The following PCDHA1 variants were observed in gnomAD, a reference collection of about 807,000 sequenced individuals.
PCDHA1 encodes protocadherin alpha-1.
A neutral mutation model predicts 61.3 loss-of-function variants in PCDHA1; 42 were observed. The ratio of observed to expected loss-of-function variants is 0.69; its 90% CI spans 0.54 to 0.89. PCDHA1 has a LOEUF of 0.89. Ranked by LOEUF, PCDHA1 falls within the 40% of genes least tolerant of loss-of-function variation. PCDHA1 has a pLI of 0.00. For missense variants in PCDHA1, 1,256 were observed against 1,235.3 expected, an observed-to-expected ratio of 1.02 and a Z score of -0.25; for synonymous variants, 610 against 553.8, an observed-to-expected ratio of 1.10 and a Z score of -1.43.
chr5:140,902,822 C>T (rs1239042138), intron 1 of PCDHA1, among the ~76,000 whole-genome samples: 4 of 151,576 alleles, frequency 2.6e-5, no homozygotes, highest in Admixed American at 2.0e-4. Context: ...ATTTGGTTTT[C>T]GATTTCTGAG....
chr5:140,884,634 G>T (rs1263952131), intron 1 of PCDHA1: 2 of 1,612,298 alleles, frequency 1.2e-6, no homozygotes, highest in Middle Eastern at 1.6e-4. Context: ...ACAGGCCAGA[G>T]GGAGGAGGAC....
chr5:141,000,924 G>C (rs375816680), intron 3 of PCDHA1, among the ~76,000 whole-genome samples: 97 of 152,046 alleles, frequency 6.4e-4, no homozygotes, highest in African/African-American at 2.2e-3. Context: ...AAAAAATCCT[G>C]TGTGATTTAG....
chr5:140,972,854 G>A (rs895738831), intron 1 of PCDHA1, among the ~76,000 whole-genome samples: 4 of 151,946 alleles, frequency 2.6e-5, no homozygotes, highest in Non-Finnish European at 4.4e-5. Flanking sequence ...AGTAGAGATG[G>A]GGTTTCATCA....
chr5:140,834,060 A>G (rs1554134035), intron 1 of PCDHA1, among the ~76,000 whole-genome samples: 1 of 152,232 alleles, frequency 6.6e-6, no homozygotes, highest in Admixed American at 6.5e-5. Flanking sequence ...TCTAACAATC[A>G]TGAGAAATGC....
intron 3 of PCDHA1, among the ~76,000 whole-genome samples, chr5:140,985,173 G>A (rs939430246): frequency 1.3e-5 from 2 of 152,154 alleles, no homozygotes; most frequent in Admixed American, 6.5e-5. Flanking sequence ...TCCTGACCTC[G>A]TAATCCGCCT....
intron 1 of PCDHA1, chr5:140,809,371 C>G (rs781936039): frequency 9.3e-6 from 15 of 1,613,986 alleles, no homozygotes; most frequent in Non-Finnish European, 1.3e-5. Context: ...CGCTGCCCAC[C>G]GAGGGCGCGT....
intron 1 of PCDHA1, among the ~76,000 whole-genome samples, chr5:140,799,038 C>T (rs1554120819): frequency 6.6e-6 from 1 of 152,168 alleles, no homozygotes; most frequent in African/African-American, 2.4e-5. Context: ...TGATAAGCTT[C>T]TAAAATTATA....
At chr5:140,854,198 C>T (rs1554147125) in intron 1 of PCDHA1, 1 of 547,806 alleles carries the variant, frequency 1.8e-6, no homozygotes, top group East Asian at 1.4e-4. Flanking sequence ...CTACTCCCTA[C>T]TTTTTATTCA....
In PCDHA1 at chr5:140,871,231, C is replaced by A. The variant is rs371096811; in HGVS notation, c.2394+82547C>A. The A allele has an allele frequency of 1.9e-6, 3 of 1,613,814 alleles. No individual in the cohort carries two copies. The African/African-American group carries it at 4.0e-5, about 22-fold the overall frequency. On this transcript the variant is annotated intron_variant, in intron 1 of 3. Coordinates refer to ENST00000504120, the MANE Select transcript of PCDHA1 (RefSeq NM_018900.4). ...CGCCATCTGCGTGGTGTCCAGCCTC[C>A]TGGTACTCACGCTGCTGCTGTATAC...
intron 1 of PCDHA1, chr5:140,881,309 G>C (rs535656328): frequency 1.0e-6 from 1 of 975,612 alleles, no homozygotes; most frequent in East Asian, 1.1e-4. Context: ...TTAACCTCCT[G>C]GTTAAATTCT....
At chr5:140,858,825 A>G in intron 1 of PCDHA1, 1 of 333,686 alleles carries the variant, frequency 3.0e-6, no homozygotes, top group Non-Finnish European at 5.6e-6. Flanking sequence ...TTGTATTTGC[A>G]TTACCAAAAA....
intron 1 of PCDHA1, among the ~76,000 whole-genome samples, chr5:140,826,323 TTG>T (rs1161647284): frequency 6.6e-6 from 1 of 152,208 alleles, no homozygotes; most frequent in Non-Finnish European, 1.5e-5. Context: ...GGGATTGTTT[TTG>T]GTTAAGAAAT....
chr5:140,972,623 T>C (rs1554234256), intron 1 of PCDHA1, among the ~76,000 whole-genome samples: 1 of 151,938 alleles, frequency 6.6e-6, no homozygotes, highest in African/African-American at 2.4e-5. Context: ...TGAATGTTGT[T>C]GGCACTCCCT....
At chr5:140,830,057 G>A (rs2150180399) in intron 1 of PCDHA1, 3 of 1,613,632 alleles carry the variant, frequency 1.9e-6, no homozygotes, top group Non-Finnish European at 2.5e-6. Flanking sequence ...AGACCACGGT[G>A]AGCCGGCGCT....
chr5:140,820,792 A>AGGT (rs1264996305), intron 1 of PCDHA1, among the ~76,000 whole-genome samples: 1 of 152,112 alleles, frequency 6.6e-6, no homozygotes, highest in Non-Finnish European at 1.5e-5. Context: ...GTAAGTACAA[A>AGGT]GGTATGTATT....
intron 1 of PCDHA1, chr5:140,823,494 CG>C (rs1374897060): frequency 6.2e-7 from 1 of 1,613,266 alleles, no homozygotes; most frequent in African/African-American, 1.3e-5. Context: ...GTGGCACCGG[CG>C]GCGCAGTGAG....
At position 140,786,996 on chromosome 5, in the gene PCDHA1, A is replaced by G. The variant is rs1278677422; in HGVS notation, c.706A>G (p.Asn236Asp). The part of the protein sequence containing the change: ...VELLITVLDV[N>D]DNAPLFDQAV... ...GCTGCTGATCACCGTCCTCGACGTT[A>G]ATGATAACGCCCCACTGTTTGACCA... The change falls in exon 1 of 4, where the codon AAT becomes GAT. Residue 236 changes from asparagine (N) to aspartate (D), a missense_variant. Asn to Asp is a conservative substitution (Grantham distance 23). Coordinates refer to ENST00000504120, the MANE Select transcript of PCDHA1 (RefSeq NM_018900.4). 2.5e-6 allele frequency: 4 copies of G among 1,614,042 alleles called. No individual in the cohort carries two copies. The highest frequency in any genetic ancestry group is 1.7e-6 in the Non-Finnish European group (2 of 1,180,022).
intron 1 of PCDHA1, among the ~76,000 whole-genome samples, chr5:140,880,863 T>C (rs1312869588): frequency 6.6e-6 from 1 of 152,170 alleles, no homozygotes; most frequent in Non-Finnish European, 1.5e-5. Flanking sequence ...TCTAATTATG[T>C]GAAGAGGTAA....
At position 140,879,675 on chromosome 5, in the gene PCDHA1, G is replaced by T. The variant is rs141369145; in HGVS notation, c.2394+90991G>T. ...TATAACAAACGAACACAAACTGGGT[G>T]CTGTAAAACAGCAAAAGTTTATTAT... On this transcript the variant is annotated intron_variant, in intron 1 of 3. Transcript: ENST00000504120. 5.3e-5 allele frequency among the ~76,000 whole-genome samples: 8 copies of T among 152,360 alleles called. No homozygotes were observed. The East Asian group carries it at 1.3e-3, about 26-fold the overall frequency.
Sources: allele counts gnomAD v4.1 joint callset (sites outside exome capture counted in the v4.1 genomes callset), GRCh38; gene constraint gnomAD v4.1.1; transcripts MANE v1.5; gene names NCBI Gene and HGNC (gene_info 2026-07-23, HGNC 2026-07-21).